Variants in RSF1 observed in about 807,000 individuals in gnomAD.
RSF1 encodes the protein remodeling and spacing factor 1.
A neutral mutation model predicts 145.2 loss-of-function variants in RSF1; 13 were observed. The observed-to-expected ratio is 0.09, with a 90% CI of 0.06 to 0.14. The LOEUF (loss-of-function observed/expected upper bound fraction) is 0.14. RSF1 is among the 10% of genes least tolerant of loss of function. RSF1 has a pLI of 1.00. For missense variants in RSF1, 1,517 were observed against 1,718.2 expected (o/e 0.88, Z 2.07); for synonymous variants, 577 against 592.6 (o/e 0.97, Z 0.38).
chr11:77,821,146 T>C (rs935458038), upstream of RSF1: 10 of 398,034 alleles, frequency 2.5e-5, no homozygotes, highest in African/African-American at 1.5e-4. Flanking sequence ...CGGAGGGCAG[T>C]TGGGGAGCGC....
At position 77,734,801 on chromosome 11, in the gene RSF1, G is replaced by C. The variant is rs967153986; in HGVS notation, c.578+5930C>G. ...TGAAGGAAGATTCGGCCACCTCGTT[G>C]GTTCTGCAGCTTCATCAGTTTCTCA... On this transcript the variant is annotated intron_variant, in intron 4 of 15. Coordinates refer to ENST00000308488, the MANE Select transcript of RSF1 (RefSeq NM_016578.4). 28 of 1,594,204 alleles carry C rather than the reference G, an allele frequency of 1.8e-5. No homozygotes were observed. In the African/African-American group the frequency reaches 2.1e-4, roughly 12 times the overall value.
In RSF1 at chr11:77,666,770, G is replaced by A; in HGVS notation, c.*147C>T. On this transcript the variant is annotated 3_prime_UTR_variant, in exon 16 of 16. Coordinates refer to ENST00000308488, the MANE Select transcript of RSF1 (RefSeq NM_016578.4). ...AAAGTTCAGAACTGGTCACTTCACA[G>A]AAAGACTTCAGGATTTGTTGAAATT... The A allele has an allele frequency of 5.4e-6, 3 of 560,414 alleles. No homozygotes were observed. Among genetic ancestry groups the A allele is most frequent in the Non-Finnish European group, 3.0e-6 (1 of 337,806 alleles). The allele number at this position is 560,414 out of a possible 1,614,324, so 34.7% of individuals were successfully genotyped here. A position where few individuals can be genotyped will look rare whatever the true frequency, so the allele number is the denominator to read the frequency against.
intron 2 of RSF1, among the ~76,000 whole-genome samples, chr11:77,756,586 T>C (rs1450079789): frequency 6.6e-6 from 1 of 152,124 alleles, no homozygotes; most frequent in Non-Finnish European, 1.5e-5. Flanking sequence ...CCTGTCATCA[T>C]GGAGGTAGTA....
chr11:77,757,495 T>C (rs918024770), intron 2 of RSF1, among the ~76,000 whole-genome samples: 1 of 151,952 alleles, frequency 6.6e-6, no homozygotes, highest in Non-Finnish European at 1.5e-5. Flanking sequence ...CTGGCCAACA[T>C]GGTGAAACCC....
chr11:77,863,547 C>T, the RSF1 span, among the ~76,000 whole-genome samples: 5 of 152,154 alleles, frequency 3.3e-5, no homozygotes, highest in Admixed American at 6.5e-5. Flanking sequence ...TGCCACTACG[C>T]CTGGCTAATT....
At chr11:77,770,456 A>AAAAAC (rs768438932) in intron 1 of RSF1, among the ~76,000 whole-genome samples, 7 of 152,238 alleles carry the variant, frequency 4.6e-5, no homozygotes, top group African/African-American at 9.6e-5. Context: ...CTCCGTCTCA[A>AAAAAC]AAAACAAAAC....
intron 1 of RSF1, among the ~76,000 whole-genome samples, chr11:77,776,065 G>A (rs1467754844): frequency 1.3e-5 from 2 of 152,196 alleles, no homozygotes; most frequent in South Asian, 2.1e-4. Context: ...CAAAAAAGAC[G>A]CTGGGCATGG....
chr11:77,696,673 C>T (rs1399775173), intron 7 of RSF1, among the ~76,000 whole-genome samples: 1 of 152,170 alleles, frequency 6.6e-6, no homozygotes, highest in South Asian at 2.1e-4. Flanking sequence ...AAGGAGAGAA[C>T]ACAAGTGATG....
At chr11:77,689,560 C>T (rs1322478902) in intron 9 of RSF1, among the ~76,000 whole-genome samples, 1 of 152,226 alleles carries the variant, frequency 6.6e-6, no homozygotes, top group African/African-American at 2.4e-5. Flanking sequence ...TGCTCCTCCA[C>T]CATGTTCCTG....
chr11:77,745,239 T>G (rs940446316), intron 3 of RSF1, among the ~76,000 whole-genome samples: 3 of 152,156 alleles, frequency 2.0e-5, no homozygotes, highest in African/African-American at 7.2e-5. Flanking sequence ...TTTGTTTATC[T>G]TTTCTACTGT....
intron 1 of RSF1, among the ~76,000 whole-genome samples, chr11:77,779,174 C>T (rs1362539335): frequency 6.6e-6 from 1 of 151,368 alleles, no homozygotes; most frequent in African/African-American, 2.4e-5. Context: ...AAACTCCTGA[C>T]CTCAGGTGAT....
intron 1 of RSF1, among the ~76,000 whole-genome samples, chr11:77,811,480 G>A (rs1209678615): frequency 6.6e-6 from 1 of 152,184 alleles, no homozygotes; most frequent in East Asian, 1.9e-4. Context: ...GCAGGGTAAG[G>A]AGATTGAAGT....
At position 77,660,472 on chromosome 11, in the gene RSF1, A is replaced by T. The variant is rs983078440; in HGVS notation, c.*6445T>A. On this transcript the variant is annotated 3_prime_UTR_variant, in exon 16 of 16. Coordinates refer to ENST00000308488, the MANE Select transcript of RSF1 (RefSeq NM_016578.4). ...CAGAGAGCACTCCAGCTTCTATTTGACTAACAGCATGGTCCTGATTACCTC... is the reference window on the plus strand; with the variant it reads ...CAGAGAGCACTCCAGCTTCTATTTGTCTAACAGCATGGTCCTGATTACCTC... 1 of 142,402 alleles carries T rather than the reference A, an allele frequency of 7.0e-6. No homozygotes were observed. Among genetic ancestry groups the T allele is most frequent in the African/African-American group, 2.5e-5 (1 of 39,370 alleles). 8.8% of individuals were successfully genotyped at this position (142,402 alleles called of 1,614,324 possible). A position where few individuals can be genotyped will look rare whatever the true frequency, so the allele number is the denominator to read the frequency against.
At chr11:77,863,170 G>A in the RSF1 span, among the ~76,000 whole-genome samples, 1 of 152,126 alleles carries the variant, frequency 6.6e-6, no homozygotes, top group East Asian at 1.9e-4. Flanking sequence ...GAGAACCGTG[G>A]AACCCAGTGA....
At chr11:77,744,706 T>G (rs549297805) in intron 3 of RSF1, among the ~76,000 whole-genome samples, 5 of 152,358 alleles carry the variant, frequency 3.3e-5, no homozygotes, top group Non-Finnish European at 5.9e-5. Context: ...GCTATTAAAT[T>G]TGGCTGCTAG....
At chr11:77,731,640 C>T (rs559303048) in intron 4 of RSF1, among the ~76,000 whole-genome samples, 1 of 152,340 alleles carries the variant, frequency 6.6e-6, no homozygotes, top group South Asian at 2.1e-4. Context: ...GTGCTGTGTG[C>T]AGCCTAGGGA....
the RSF1 span, chr11:77,851,380 A>G: frequency 6.6e-6 from 1 of 152,182 alleles, no homozygotes; most frequent in Non-Finnish European, 1.5e-5. Context: ...TCTGCTCAAG[A>G]CAGTTCTTCT....
chr11:77,726,286 A>T (rs530031371), intron 4 of RSF1, among the ~76,000 whole-genome samples: 1 of 152,300 alleles, frequency 6.6e-6, no homozygotes, highest in Non-Finnish European at 1.5e-5. Flanking sequence ...ATTCCAAATA[A>T]ATAAAAGTCT....
At chr11:77,693,458 A>C in intron 8 of RSF1, 49 bp downstream of exon 8, 9 of 1,180,492 alleles carry the variant, frequency 7.6e-6, no homozygotes, top group Non-Finnish European at 1.1e-5. Flanking sequence ...ACAGTTATTA[A>C]TTTGAATACA....
Sources: allele counts gnomAD v4.1 joint callset (sites outside exome capture counted in the v4.1 genomes callset), GRCh38; gene constraint gnomAD v4.1.1; transcripts MANE v1.5; gene names NCBI Gene and HGNC (gene_info 2026-07-23, HGNC 2026-07-21).